Variants in PPARGC1A observed in about 807,000 individuals in gnomAD.
PPARGC1A encodes the protein peroxisome proliferator-activated receptor gamma coactivator 1-alpha.
Under a neutral mutation model 88.7 loss-of-function variants are expected in PPARGC1A, and 25 were observed. The ratio of observed to expected loss-of-function variants is 0.28; its 90% CI spans 0.21 to 0.39. The LOEUF (loss-of-function observed/expected upper bound fraction) is 0.39, where lower values mean the gene tolerates loss of function less well. Among genes scored for constraint, PPARGC1A ranks in the 10% least tolerant of loss-of-function variants. The pLI, the probability that PPARGC1A is intolerant of heterozygous loss-of-function variation, is 1.00. For synonymous variants in PPARGC1A, 363 were observed against 355.6 expected, an observed-to-expected ratio of 1.02 and a Z score of -0.24; for missense variants, 880 against 968.7, an observed-to-expected ratio of 0.91 and a Z score of 1.22.
chr4:23,866,291 T>C (rs1279394736), intron 2 of PPARGC1A: 1 of 152,206 alleles, frequency 6.6e-6, no homozygotes, highest in Non-Finnish European at 1.5e-5. Context: ...TTTCTTCTCA[T>C]AGACATTAAT....
At chr4:24,184,277 A>G in the PPARGC1A span, among the ~76,000 whole-genome samples, 1 of 152,190 alleles carries the variant, frequency 6.6e-6, no homozygotes, top group African/African-American at 2.4e-5. Flanking sequence ...CTTAAGGAAA[A>G]TATGTAAATT....
At chr4:23,982,179 A>G in the PPARGC1A span, among the ~76,000 whole-genome samples, 1 of 152,182 alleles carries the variant, frequency 6.6e-6, no homozygotes, top group Non-Finnish European at 1.5e-5. Flanking sequence ...ATTAGTCAAG[A>G]GACAGGTTTA....
At chr4:24,374,210 C>A in the PPARGC1A span, among the ~76,000 whole-genome samples, 1 of 152,144 alleles carries the variant, frequency 6.6e-6, no homozygotes, top group East Asian at 1.9e-4. Flanking sequence ...ATTTCATTGA[C>A]CCAAGTTGGT....
chr4:24,172,998 C>T, the PPARGC1A span, among the ~76,000 whole-genome samples: 5 of 152,160 alleles, frequency 3.3e-5, no homozygotes, highest in Admixed American at 1.3e-4. Flanking sequence ...CATTACTTTT[C>T]GAACATTGTA....
At chr4:24,172,464 G>A in the PPARGC1A span, among the ~76,000 whole-genome samples, 1 of 152,214 alleles carries the variant, frequency 6.6e-6, no homozygotes, top group Non-Finnish European at 1.5e-5. Flanking sequence ...TCTTGGTAGT[G>A]TCACCCTGTG....
At chr4:24,229,573 C>T in the PPARGC1A span, among the ~76,000 whole-genome samples, 2 of 151,546 alleles carry the variant, frequency 1.3e-5, no homozygotes. Context: ...TGGCTCATGC[C>T]TGTAATCCCA....
At position 23,814,331 on chromosome 4, in the gene PPARGC1A, A is replaced by G; in HGVS notation, c.1152T>C (p.His384=). The change falls in exon 8 of 13, where the codon CAT becomes CAC. Residue 384 remains histidine (H), a synonymous_variant. Coordinates refer to ENST00000264867, the MANE Select transcript of PPARGC1A (RefSeq NM_013261.5). ...TGGAATTAATTGACTGGCAATAGTCATGGTCACCAAACAGCCGCAGACTGG... is the reference window on the plus strand; with the variant it reads ...TGGAATTAATTGACTGGCAATAGTCGTGGTCACCAAACAGCCGCAGACTGG... The part of the protein sequence containing the change: ...KRPSLRLFGD[H]DYCQSINSKT... The G allele has an allele frequency of 6.2e-7, 1 of 1,614,078 alleles. No homozygotes were observed. Among genetic ancestry groups the G allele is most frequent in the East Asian group, 2.2e-5 (1 of 44,858 alleles).
the PPARGC1A span, among the ~76,000 whole-genome samples, chr4:24,455,600 T>G: frequency 7.2e-5 from 11 of 152,386 alleles, no homozygotes; most frequent in East Asian, 2.1e-3. Flanking sequence ...GGAAACTTAA[T>G]CCCCAATGCA....
chr4:23,962,820 A>AC, the PPARGC1A span, among the ~76,000 whole-genome samples: 70 of 152,036 alleles, frequency 4.6e-4, no homozygotes, highest in African/African-American at 1.5e-3. Flanking sequence ...CTCTTACCTG[A>AC]CCCCACAGGA....
At chr4:24,020,808 C>A in the PPARGC1A span, among the ~76,000 whole-genome samples, 7 of 152,188 alleles carry the variant, frequency 4.6e-5, no homozygotes, top group Admixed American at 4.6e-4. Context: ...TCTGGACATG[C>A]ATTTTTCTCC....
the PPARGC1A span, among the ~76,000 whole-genome samples, chr4:24,318,848 C>CA: frequency 6.6e-6 from 1 of 152,166 alleles, no homozygotes. Flanking sequence ...TAACAAAATA[C>CA]AACTGGCTGT....
the PPARGC1A span, among the ~76,000 whole-genome samples, chr4:24,322,385 A>G: frequency 6.6e-6 from 1 of 152,262 alleles, no homozygotes; most frequent in Non-Finnish European, 1.5e-5. Flanking sequence ...GAAAATGGTC[A>G]AACTGCAGCT....
the PPARGC1A span, among the ~76,000 whole-genome samples, chr4:24,423,837 T>C: frequency 6.6e-6 from 1 of 152,198 alleles, no homozygotes; most frequent in South Asian, 2.1e-4. Flanking sequence ...CTACCAACGC[T>C]GCCTACAAGT....
At chr4:24,446,679 C>A in the PPARGC1A span, among the ~76,000 whole-genome samples, 1 of 151,244 alleles carries the variant, frequency 6.6e-6, no homozygotes, top group Non-Finnish European at 1.5e-5. Context: ...TGACTGCAAC[C>A]TCCGCCCCCT....
the PPARGC1A span, among the ~76,000 whole-genome samples, chr4:24,157,494 A>G: frequency 4.6e-5 from 7 of 152,004 alleles, no homozygotes; most frequent in African/African-American, 1.7e-4. Context: ...GTATATCTCT[A>G]ACAGTGATTT....
the PPARGC1A span, among the ~76,000 whole-genome samples, chr4:24,412,004 T>C: frequency 6.6e-6 from 1 of 152,212 alleles, no homozygotes; most frequent in Admixed American, 6.5e-5. Context: ...TGGACATAAG[T>C]TTTCATCTCC....
chr4:23,943,068 T>C, the PPARGC1A span, among the ~76,000 whole-genome samples: 18 of 152,290 alleles, frequency 1.2e-4, no homozygotes, highest in Admixed American at 1.2e-3. Context: ...TAAATGTCTT[T>C]GGGAGTTGGG....
At chr4:24,338,274 G>T in the PPARGC1A span, among the ~76,000 whole-genome samples, 1 of 152,112 alleles carries the variant, frequency 6.6e-6, no homozygotes, top group Non-Finnish European at 1.5e-5. Flanking sequence ...CAAAAGCAAA[G>T]GTTTGGTTCA....
chr4:24,434,046 G>A, the PPARGC1A span, among the ~76,000 whole-genome samples: 3 of 152,166 alleles, frequency 2.0e-5, no homozygotes, highest in East Asian at 1.9e-4. Context: ...CCATCTCCAC[G>A]TTGCCCTGAA....
Sources: allele counts gnomAD v4.1 joint callset (sites outside exome capture counted in the v4.1 genomes callset), GRCh38; gene constraint gnomAD v4.1.1; transcripts MANE v1.5; gene names NCBI Gene and HGNC (gene_info 2026-07-23, HGNC 2026-07-21).